The following ZMAT4 variants were observed in gnomAD, a reference collection of about 807,000 sequenced individuals.
The protein encoded by ZMAT4 is zinc finger matrin-type 4.
A neutral mutation model predicts 28.7 loss-of-function variants in ZMAT4; 17 were observed. The observed-to-expected ratio is 0.59, with a 90% CI of 0.41 to 0.89. The LOEUF (loss-of-function observed/expected upper bound fraction) is 0.89. Among genes scored for constraint, ZMAT4 ranks in the 40% least tolerant of loss-of-function variants. The pLI, the probability that ZMAT4 is intolerant of heterozygous loss-of-function variation, is 0.00. For synonymous variants in ZMAT4, 117 were observed against 109.2 expected (o/e 1.07, Z -0.44); for missense variants, 240 against 283.8 (o/e 0.85, Z 1.11).
chr8:40,855,073 T>G (rs1421551838), intron 1 of ZMAT4, among the ~76,000 whole-genome samples: 1 of 152,182 alleles, frequency 6.6e-6, no homozygotes, highest in Non-Finnish European at 1.5e-5. Context: ...CCACAGCTAA[T>G]TTGAACACAG....
At chr8:40,756,624 A>AGT (rs58686349) in intron 3 of ZMAT4, among the ~76,000 whole-genome samples, 1,564 of 139,452 alleles carry the variant, frequency 0.011, 25 homozygotes, top group East Asian at 0.079. Flanking sequence ...TATGTTTGTA[A>AGT]GTGTGTGTGT....
At chr8:40,534,977 C>T (rs1385333790) in intron 6 of ZMAT4, among the ~76,000 whole-genome samples, 1 of 152,116 alleles carries the variant, frequency 6.6e-6, no homozygotes, top group Non-Finnish European at 1.5e-5. Flanking sequence ...GCCACTGCGT[C>T]CGGCCCACAT....
intron 1 of ZMAT4, among the ~76,000 whole-genome samples, chr8:40,865,657 T>C (rs1268642640): frequency 1.3e-5 from 2 of 152,222 alleles, no homozygotes; most frequent in African/African-American, 4.8e-5. Flanking sequence ...TTTTATATTC[T>C]ACTGGCACTC....
At chr8:40,625,641 G>A (rs1252809120) in intron 5 of ZMAT4, among the ~76,000 whole-genome samples, 1 of 152,272 alleles carries the variant, frequency 6.6e-6, no homozygotes, top group African/African-American at 2.4e-5. Context: ...CAGCAACAAG[G>A]TGGGAGGCAG....
chr8:40,861,983 T>C (rs113541462), intron 1 of ZMAT4, among the ~76,000 whole-genome samples: 3,327 of 152,270 alleles, frequency 0.022, 92 homozygotes, highest in Admixed American at 0.085. Context: ...GACTGTAAAC[T>C]AGTTCAACCA....
At chr8:40,730,978 C>T (rs1352996396) in intron 3 of ZMAT4, among the ~76,000 whole-genome samples, 1 of 152,206 alleles carries the variant, frequency 6.6e-6, no homozygotes, top group Admixed American at 6.5e-5. Context: ...AGCCCCATAG[C>T]AGGATACTGT....
chr8:40,716,410 G>T (rs1166159732), intron 3 of ZMAT4, among the ~76,000 whole-genome samples: 2 of 152,150 alleles, frequency 1.3e-5, no homozygotes, highest in Non-Finnish European at 2.9e-5. Flanking sequence ...AGTCAGTTTG[G>T]GCCAGGCACA....
intron 2 of ZMAT4, among the ~76,000 whole-genome samples, chr8:40,804,483 T>A (rs1412764140): frequency 6.6e-6 from 1 of 152,192 alleles, no homozygotes; most frequent in Non-Finnish European, 1.5e-5. Flanking sequence ...CTAATGATCA[T>A]CTTCATAATC....
rs373507856 is a variant in ZMAT4, at chr8:40,676,309, A to G, written c.350-1378T>C. On this transcript the variant is annotated intron_variant, in intron 4 of 6. Transcript: ENST00000297737. ...TCTAGATCCATCATCTTTCTATTTC[A>G]TATAGGATTTCATTAAATTTTGGAA... 7.9e-5 allele frequency among the ~76,000 whole-genome samples: 12 copies of G among 152,290 alleles called. No individual in the cohort carries two copies. In the East Asian group the frequency reaches 1.7e-3, roughly 22 times the overall value.
chr8:40,581,249 T>C lies in ZMAT4; in HGVS notation c.590A>G (p.Asn197Ser). Residue 197 changes from asparagine to serine, a missense_variant, in exon 6 of 7, where the codon AAT becomes AGT. Physicochemically the swap from Asn to Ser is conservative, Grantham distance 46 (BLOSUM62 1). Transcript: ENST00000297737. ...GACACTGCAGATGGTACATCTGTAATTGCGCCTCAGACCTGTGGACAACAG... is the reference window on the plus strand; with the variant it reads ...GACACTGCAGATGGTACATCTGTAACTGCGCCTCAGACCTGTGGACAACAG... ...DMGELRGLRR[N>S]YRCTICSVSL... is the part of the protein sequence containing the mutation. The C allele has an allele frequency of 1.2e-6, 2 of 1,613,248 alleles. No individual in the cohort carries two copies. Among genetic ancestry groups the C allele is most frequent in the East Asian group, 2.2e-5 (1 of 44,834 alleles).
chr8:40,690,183 C>T (rs1809599987), intron 4 of ZMAT4, among the ~76,000 whole-genome samples: 1 of 152,184 alleles, frequency 6.6e-6, no homozygotes, highest in African/African-American at 2.4e-5. Context: ...GTAGGATAGG[C>T]ATGGACTAAC....
At chr8:40,768,784 C>T (rs182573273) in intron 2 of ZMAT4, among the ~76,000 whole-genome samples, 9 of 152,298 alleles carry the variant, frequency 5.9e-5, no homozygotes, top group African/African-American at 1.9e-4. Flanking sequence ...CATCACCTCT[C>T]GAATCTATTG....
At chr8:40,862,359 G>A (rs1253503030) in intron 1 of ZMAT4, among the ~76,000 whole-genome samples, 5 of 133,504 alleles carry the variant, frequency 3.7e-5, no homozygotes, top group Non-Finnish European at 7.7e-5. Flanking sequence ...TCATAGGTGG[G>A]AACTGAACAA....
Position 40,649,535 on chromosome 8 carries a change from G to A in ZMAT4, c.577+25169C>T, listed in dbSNP as rs1046624254. 2.6e-5 allele frequency among the ~76,000 whole-genome samples: 4 copies of A among 152,156 alleles called. No homozygotes were observed. In the East Asian group the frequency reaches 7.7e-4, roughly 29 times the overall value. On this transcript the variant is annotated intron_variant, in intron 5 of 6. Coordinates refer to ENST00000297737, the MANE Select transcript of ZMAT4 (RefSeq NM_024645.3). ...GATCAACGAGACAGAAAGTCAACAA[G>A]GATACCGAGGAATTGAACTCAGCTC...
intron 2 of ZMAT4, among the ~76,000 whole-genome samples, chr8:40,821,497 T>A (rs1815828310): frequency 6.6e-6 from 1 of 152,170 alleles, no homozygotes; most frequent in African/African-American, 2.4e-5. Flanking sequence ...GGACTTCATA[T>A]GCAAAAATAG....
intron 3 of ZMAT4, among the ~76,000 whole-genome samples, chr8:40,719,467 A>C (rs535708648): frequency 6.6e-6 from 1 of 152,276 alleles, no homozygotes; most frequent in Admixed American, 6.5e-5. Flanking sequence ...TAAATAAATA[A>C]ATAAAATACT....
At chr8:40,838,374 G>T (rs965029479) in intron 1 of ZMAT4, among the ~76,000 whole-genome samples, 3 of 152,090 alleles carry the variant, frequency 2.0e-5, no homozygotes, top group African/African-American at 4.8e-5. Context: ...ACAGGGTCTT[G>T]CTCTCTTACC....
chr8:40,805,801 AG>A (rs1815060044), intron 2 of ZMAT4, among the ~76,000 whole-genome samples: 1 of 76,414 alleles, frequency 1.3e-5, no homozygotes, highest in Non-Finnish European at 2.5e-5. Context: ...GGGTGGGGGG[AG>A]GGGGGAGGGA....
chr8:40,654,464 G>A (rs747102695), intron 5 of ZMAT4, among the ~76,000 whole-genome samples: 10 of 151,898 alleles, frequency 6.6e-5, no homozygotes, highest in Non-Finnish European at 1.5e-4. Context: ...TTCACTATAG[G>A]TCTGTATTAC....
Sources: allele counts gnomAD v4.1 joint callset (sites outside exome capture counted in the v4.1 genomes callset), GRCh38; gene constraint gnomAD v4.1.1; transcripts MANE v1.5; gene names NCBI Gene and HGNC (gene_info 2026-07-23, HGNC 2026-07-21).